The following ZNF577 variants were observed in gnomAD, a reference collection of about 807,000 sequenced individuals.
ZNF577 encodes the protein zinc finger protein 577.
A neutral mutation model predicts 13.9 loss-of-function variants in ZNF577; 14 were observed. The observed-to-expected ratio is 1.00, with a 90% confidence interval of 0.66 to 1.57. The LOEUF is 1.57. Ranked by LOEUF, ZNF577 falls within the 40% of genes most tolerant of loss-of-function variation. ZNF577 has a pLI of 0.00. For missense variants in ZNF577, 555 were observed against 579.2 expected (o/e 0.96, Z 0.43); for synonymous variants, 203 against 202.9 (o/e 1.00, Z 0.00).
chr19:51,845,596 A>T (rs1327927455), intron 5 of ZNF577, among the ~76,000 whole-genome samples: 1 of 152,144 alleles, frequency 6.6e-6, no homozygotes, highest in Non-Finnish European at 1.5e-5. Flanking sequence ...TCTAACTGAA[A>T]TTTTTTATTC....
At chr19:51,823,662 T>A in intron 9 of ZNF577, 1 of 1,123,468 alleles carries the variant, frequency 8.9e-7, no homozygotes. Flanking sequence ...GAGGAGGAGC[T>A]ACAGTGGAAG....
rs143676838 is a variant in ZNF577 at position 51,870,385 on chromosome 19, A to C, written c.*2147T>G. On this transcript the variant is annotated 3_prime_UTR_variant, in exon 6 of 6. Coordinates refer to ENST00000638348, the MANE Select transcript of ZNF577 (RefSeq NM_001370449.1). Reference sequence around the variant, plus strand: ...TGGAAAATTGCTAACTTACTTGGAAAGTATGGCCTTTTCATGGCTTGCATG... The same window carrying C: ...TGGAAAATTGCTAACTTACTTGGAACGTATGGCCTTTTCATGGCTTGCATG... 5.3e-4 allele frequency among the ~76,000 whole-genome samples: 81 copies of C among 152,300 alleles called. 1 individual carries two copies. In the East Asian group the frequency reaches 0.015, roughly 28 times the overall value.
chr19:51,857,346 G>C (rs10421084), intron 5 of ZNF577, among the ~76,000 whole-genome samples: 48,605 of 134,912 alleles, frequency 0.36, 10,034 homozygotes, highest in South Asian at 0.53. Context: ...GAGAAAGAAA[G>C]AGAGAAAGAA....
chr19:51,856,757 G>A (rs2084425997), intron 5 of ZNF577, among the ~76,000 whole-genome samples: 2 of 152,144 alleles, frequency 1.3e-5, no homozygotes, highest in South Asian at 4.1e-4. Flanking sequence ...AGATCGGGGG[G>A]CTGAGGGAGG....
At chr19:51,845,995 T>C (rs1027404080) in intron 5 of ZNF577, among the ~76,000 whole-genome samples, 4 of 152,140 alleles carry the variant, frequency 2.6e-5, no homozygotes, top group African/African-American at 4.8e-5. Flanking sequence ...AGTAGTAGGA[T>C]TGCTGCATTA....
intron 5 of ZNF577, among the ~76,000 whole-genome samples, chr19:51,875,125 T>A (rs1427351699): frequency 6.6e-6 from 1 of 151,662 alleles, no homozygotes; most frequent in Admixed American, 6.6e-5. Context: ...TCCCAGCACT[T>A]TGGGAGGTCG....
chr19:51,879,060 A>C (rs2122702359), intron 3 of ZNF577, among the ~76,000 whole-genome samples: 1 of 152,040 alleles, frequency 6.6e-6, no homozygotes, highest in Middle Eastern at 3.4e-3. Flanking sequence ...GATTAAGACT[A>C]TCCTGGCTAA....
chr19:51,832,104 T>G (rs1444625266), intron 9 of ZNF577, among the ~76,000 whole-genome samples: 1 of 152,184 alleles, frequency 6.6e-6, no homozygotes, highest in Non-Finnish European at 1.5e-5. Flanking sequence ...CATTCTTTGC[T>G]GGTCTGAGAG....
chr19:51,835,689 A>C (rs1320187018), intron 9 of ZNF577, among the ~76,000 whole-genome samples: 1 of 151,740 alleles, frequency 6.6e-6, no homozygotes, highest in African/African-American at 2.4e-5. Flanking sequence ...GCCAGACATA[A>C]CTGAAATCAG....
intron 10 of ZNF577, among the ~76,000 whole-genome samples, chr19:51,806,039 G>A (rs1050602713): frequency 6.6e-6 from 1 of 152,166 alleles, no homozygotes; most frequent in Non-Finnish European, 1.5e-5. Flanking sequence ...TGTTTACCTG[G>A]AGCTGGTCCT....
In ZNF577 at chr19:51,812,101, C is replaced by T. The variant is rs148041410; in HGVS notation, c.*600-427G>A. Among the ~76,000 whole-genome samples, 932 of 152,184 alleles carry T rather than the reference C, an allele frequency of 6.1e-3. 9 individuals are homozygous for T. The highest frequency in any genetic ancestry group is 0.019 in the African/African-American group (801 of 41,506). On this transcript the variant is annotated intron_variant and NMD_transcript_variant, in intron 9 of 10. Coordinates refer to the ZNF577 transcript ENST00000638827. ...AATAGCCTATGTTGGAGGTAGGTTG[C>T]TCTAAAACAGAATATGTTGGAGGTA...
chr19:51,806,259 G>A (rs2084058000), intron 10 of ZNF577, among the ~76,000 whole-genome samples: 1 of 152,116 alleles, frequency 6.6e-6, no homozygotes, highest in Non-Finnish European at 1.5e-5. Flanking sequence ...CCATTCCAGG[G>A]TTGCAAGCAC....
chr19:51,873,782 A>C (rs1363255856), intron 5 of ZNF577, 76 bp from the exon 6 acceptor site: 2 of 1,138,830 alleles, frequency 1.8e-6, no homozygotes, highest in East Asian at 2.5e-5. Flanking sequence ...ATGCTCTTAC[A>C]TAAACCAAAC....
intron 1 of ZNF577, among the ~76,000 whole-genome samples, chr19:51,882,067 C>T (rs1266079127): frequency 6.6e-6 from 1 of 152,162 alleles, no homozygotes; most frequent in African/African-American, 2.4e-5. Flanking sequence ...CGCTTCATCC[C>T]AGCCCCAGCC....
chr19:51,876,881 T>G (rs971384466), intron 5 of ZNF577, among the ~76,000 whole-genome samples: 3 of 138,248 alleles, frequency 2.2e-5, no homozygotes, highest in South Asian at 2.3e-4. Context: ...TGAGCCAAGA[T>G]CACATCACTG....
intron 9 of ZNF577, among the ~76,000 whole-genome samples, chr19:51,814,290 C>T (rs2084118390): frequency 6.6e-6 from 1 of 152,132 alleles, no homozygotes; most frequent in Non-Finnish European, 1.5e-5. Context: ...CCGATTTAGA[C>T]CTTTAACTCT....
intron 1 of ZNF577, among the ~76,000 whole-genome samples, chr19:51,885,631 C>T (rs1255354968): frequency 1.3e-5 from 2 of 152,120 alleles, no homozygotes; most frequent in Non-Finnish European, 2.9e-5. Context: ...CCTGTCTCAT[C>T]CTCCTGAGTA....
At chr19:51,877,507 G>A (rs1468333743) in intron 4 of ZNF577, 130 bp from the exon 5 acceptor site, 2 of 701,952 alleles carry the variant, frequency 2.8e-6, no homozygotes, top group South Asian at 1.8e-5. Flanking sequence ...CAGGAAAAGA[G>A]CACAACCACT....
chr19:51,804,736 T>G (rs1170668947), downstream of ZNF577: 1 of 152,142 alleles, frequency 6.6e-6, no homozygotes, highest in Non-Finnish European at 1.5e-5. Flanking sequence ...GGCGCCACTA[T>G]GTAACCTGCC....
Sources: gnomAD v4.1 joint callset for allele counts (sites outside exome capture counted in the v4.1 genomes callset) on GRCh38, gnomAD v4.1.1 for gene constraint, MANE v1.5 for transcripts, NCBI Gene and HGNC (gene_info 2026-07-23, HGNC 2026-07-21) for gene names.